Variants in SEPTIN2 observed in about 807,000 individuals in gnomAD.
SEPTIN2 encodes the protein septin 2, also known as septin-2.
SEPTIN2 carries 34 observed loss-of-function variants against 46.5 expected under a neutral mutation model. The observed-to-expected ratio is 0.73, with a 90% CI of 0.56 to 0.97. The LOEUF is 0.97. SEPTIN2 is among the 50% of genes least tolerant of loss of function. SEPTIN2 has a pLI of 0.00. For missense variants in SEPTIN2, 347 were observed against 448.4 expected, an observed-to-expected ratio of 0.77 and a Z score of 2.04; for synonymous variants, 175 against 153.4, an observed-to-expected ratio of 1.14 and a Z score of -1.04.
chr2:241,345,302 A>G (rs145330804), intron 9 of SEPTIN2, among the ~76,000 whole-genome samples: 61 of 152,376 alleles, frequency 4.0e-4, no homozygotes, highest in African/African-American at 1.3e-3. Flanking sequence ...GCATGTTACC[A>G]TCCAAGCTGT....
chr2:241,335,228 T>C lies in SEPTIN2; in HGVS notation c.217+16T>C, dbSNP rs150734591. ...GGAGCAGCAGGTAAAAACATTCTTA[T>C]GTTACTGTAAGTGTAATTCTACATG... is the stretch of plus-strand genomic sequence containing the variant. On this transcript the variant is annotated intron_variant, in intron 4 of 12. Transcript: ENST00000391971. The C allele has an allele frequency of 2.6e-4, 423 of 1,609,876 alleles. 3 individuals carry two copies. Among genetic ancestry groups the C allele is most frequent in the Middle Eastern group, 2.3e-3 (14 of 6,062 alleles).
At chr2:241,347,988 C>G (rs1692787777) in intron 10 of SEPTIN2, 146 bp from the exon 11 acceptor site, 1 of 586,976 alleles carries the variant, frequency 1.7e-6, no homozygotes, top group Admixed American at 2.5e-5. Context: ...ACACTCCAGC[C>G]CGTGCGACAG....
intron 2 of SEPTIN2, 125 bp downstream of exon 2, chr2:241,324,366 CAA>C (rs757230530): frequency 5.4e-6 from 4 of 747,258 alleles, no homozygotes; most frequent in African/African-American, 3.6e-5. Context: ...TTCATTAACA[CAA>C]AGAGTTCTAA....
chr2:241,316,175 G>T lies in SEPTIN2; in HGVS notation c.-18+193G>T, dbSNP rs181825569. ...ATCGTGGGCTCCCCCGTCCCGGGCG[G>T]TCCTAGTGCCGGCGACAGTGGCTCC... On this transcript the variant is annotated intron_variant, in intron 1 of 12. Coordinates refer to ENST00000391971, the MANE Select transcript of SEPTIN2 (RefSeq NM_004404.5). 752 of 270,726 alleles carry T rather than the reference G, an allele frequency of 2.8e-3. 5 individuals are homozygous for T. Among genetic ancestry groups the T allele is most frequent in the African/African-American group, 0.016 (716 of 45,354 alleles). 16.8% of individuals were successfully genotyped at this position (270,726 alleles called of 1,614,324 possible). A position where few individuals can be genotyped will look rare whatever the true frequency, so the allele number is the denominator to read the frequency against.
chr2:241,317,946 C>G (rs1435050869), intron 1 of SEPTIN2, among the ~76,000 whole-genome samples: 1 of 152,006 alleles, frequency 6.6e-6, no homozygotes, highest in Non-Finnish European at 1.5e-5. Context: ...ATTTTTGGTC[C>G]AATTTGCACC....
At chr2:241,330,155 T>C (rs1240574523) in intron 3 of SEPTIN2, among the ~76,000 whole-genome samples, 1 of 152,128 alleles carries the variant, frequency 6.6e-6, no homozygotes, top group African/African-American at 2.4e-5. Flanking sequence ...TCCAGCAATA[T>C]ATCTAAATAA....
At position 241,335,176 on chromosome 2, in the gene SEPTIN2, G is replaced by A; in HGVS notation, c.181G>A (p.Asp61Asn). 1 of 1,613,888 alleles carries A rather than the reference G, an allele frequency of 6.2e-7. No homozygotes were observed. Among genetic ancestry groups the A allele is most frequent in the Non-Finnish European group, 8.5e-7 (1 of 1,179,884 alleles). ...STLINSLFLT[D>N]LYPERVIPGA... ...TCTCATAAACAGCCTATTCCTAACTGATCTGTACCCAGAAAGAGTCATACC... is the reference window on the plus strand; with the variant it reads ...TCTCATAAACAGCCTATTCCTAACTAATCTGTACCCAGAAAGAGTCATACC... Residue 61 changes from aspartate to asparagine, a missense_variant, in exon 4 of 13, where the codon GAT becomes AAT. Asp to Asn is a conservative substitution (Grantham distance 23, BLOSUM62 1). Transcript: ENST00000391971.
chr2:241,339,909 C>T (rs1454453791), intron 7 of SEPTIN2, among the ~76,000 whole-genome samples: 1 of 152,204 alleles, frequency 6.6e-6, no homozygotes, highest in African/African-American at 2.4e-5. Context: ...GTCCTGAGAT[C>T]AGGAATCTGC....
At chr2:241,346,375 T>C (rs919020253) in intron 10 of SEPTIN2, 126 bp downstream of exon 10, 4 of 604,822 alleles carry the variant, frequency 6.6e-6, no homozygotes, top group Admixed American at 3.3e-5. Context: ...ACTCAAAAGT[T>C]ATTATAAAAG....
intron 2 of SEPTIN2, chr2:241,324,896 A>G (rs1050838876): frequency 1.3e-5 from 2 of 152,244 alleles, no homozygotes; most frequent in African/African-American, 4.8e-5. Context: ...TAGTTCAGAG[A>G]TAAATTAGTG....
At chr2:241,348,387 C>A (rs2060467984) in intron 11 of SEPTIN2, among the ~76,000 whole-genome samples, 196 bp downstream of exon 11, 2 of 152,088 alleles carry the variant, frequency 1.3e-5, no homozygotes, top group Non-Finnish European at 2.9e-5. Flanking sequence ...GCCACCATGC[C>A]TGGCTAGTTG....
intron 8 of SEPTIN2, 21 bp downstream of exon 8, chr2:241,343,114 C>A: frequency 1.5e-6 from 2 of 1,327,516 alleles, no homozygotes; most frequent in Non-Finnish European, 2.2e-6. Context: ...GCTTCAGATC[C>A]ACAACATAAA....
chr2:241,316,944 A>G (rs2076406163), intron 1 of SEPTIN2: 1 of 164,714 alleles, frequency 6.1e-6, no homozygotes. Context: ...CTGATGTTCC[A>G]GATGGTATTT....
intron 3 of SEPTIN2, among the ~76,000 whole-genome samples, chr2:241,329,295 T>G (rs1032902392): frequency 1.3e-5 from 2 of 151,858 alleles, no homozygotes; most frequent in Non-Finnish European, 2.9e-5. Context: ...TGGCTAATTT[T>G]GTTTCTGTAT....
At chr2:241,339,083 A>C (rs1182111365) in intron 7 of SEPTIN2, among the ~76,000 whole-genome samples, 1 of 137,672 alleles carries the variant, frequency 7.3e-6, no homozygotes, top group Non-Finnish European at 1.5e-5. Flanking sequence ...TATAATATAC[A>C]TATATTTTTT....
intron 3 of SEPTIN2, 27 bp from the exon 4 acceptor site, chr2:241,335,099 T>G (rs1489369807): frequency 6.5e-7 from 1 of 1,534,632 alleles, no homozygotes; most frequent in African/African-American, 1.4e-5. Context: ...AATAAGGTCA[T>G]GACAAGGTTT....
chr2:241,348,420 G>A (rs1055263659), intron 11 of SEPTIN2, among the ~76,000 whole-genome samples: 5 of 152,020 alleles, frequency 3.3e-5, no homozygotes, highest in Non-Finnish European at 4.4e-5. Flanking sequence ...TAGTAGAGAC[G>A]GGGTTTCATC....
At chr2:241,316,139 C>A in intron 1 of SEPTIN2, 157 bp downstream of exon 1, 1 of 201,596 alleles carries the variant, frequency 5.0e-6, no homozygotes, top group Non-Finnish European at 1.0e-5. Flanking sequence ...AGCCCAGGCT[C>A]TTCGGCACTT....
chr2:241,329,030 A>C (rs754556270), intron 3 of SEPTIN2, among the ~76,000 whole-genome samples: 1 of 152,150 alleles, frequency 6.6e-6, no homozygotes, highest in African/African-American at 2.4e-5. Flanking sequence ...CTCACACACA[A>C]AAAAGGTAGA....
Sources: gnomAD v4.1 joint callset for allele counts (sites outside exome capture counted in the v4.1 genomes callset) on GRCh38, gnomAD v4.1.1 for gene constraint, MANE v1.5 for transcripts, NCBI Gene and HGNC (gene_info 2026-07-23, HGNC 2026-07-21) for gene names.